Variants in PRKCE observed in about 807,000 individuals in gnomAD.
PRKCE encodes protein kinase C epsilon.
In PRKCE, 16 loss-of-function variants were observed where a neutral mutation model predicts 85.4. That is an observed-to-expected ratio of 0.19 (90% confidence interval 0.13 to 0.28). The LOEUF is 0.28. Ranked by LOEUF, PRKCE falls within the 10% of genes least tolerant of loss-of-function variation. PRKCE has a pLI of 1.00. For missense variants in PRKCE, 573 were observed against 975.2 expected (o/e 0.59, Z 5.49); for synonymous variants, 388 against 371.5 (o/e 1.04, Z -0.51).
intron 1 of PRKCE, among the ~76,000 whole-genome samples, chr2:45,782,721 C>T (rs749490271): frequency 1.3e-5 from 2 of 152,014 alleles, no homozygotes; most frequent in Non-Finnish European, 2.9e-5. Context: ...AATCAACCCT[C>T]TGTCAAACAA....
At chr2:45,750,449 G>C (rs571139997) in intron 1 of PRKCE, among the ~76,000 whole-genome samples, 1 of 152,116 alleles carries the variant, frequency 6.6e-6, no homozygotes, top group African/African-American at 2.4e-5. Context: ...CAAAATTTGC[G>C]GTCCCATTGC....
intron 10 of PRKCE, among the ~76,000 whole-genome samples, chr2:46,016,341 A>T (rs906976596): frequency 2.0e-5 from 3 of 152,122 alleles, no homozygotes; most frequent in Non-Finnish European, 4.4e-5. Flanking sequence ...GTGTCTGTGT[A>T]GATGAGCTGG....
intron 10 of PRKCE, among the ~76,000 whole-genome samples, chr2:46,069,347 C>A (rs530200286): frequency 6.6e-6 from 1 of 151,912 alleles, no homozygotes; most frequent in Non-Finnish European, 1.5e-5. Flanking sequence ...GTCAGTAGGC[C>A]TTTTCTGGAT....
chr2:45,913,571 G>A (rs1697535584), intron 2 of PRKCE, among the ~76,000 whole-genome samples: 2 of 152,214 alleles, frequency 1.3e-5, no homozygotes, highest in African/African-American at 2.4e-5. Flanking sequence ...GTACCTTTGA[G>A]AGCTGCTTCA....
chr2:45,943,634 C>G (rs1216856586), intron 2 of PRKCE, among the ~76,000 whole-genome samples: 1 of 152,158 alleles, frequency 6.6e-6, no homozygotes, highest in African/African-American at 2.4e-5. Context: ...TTTCCAGTTC[C>G]ACTGTCTCAG....
At chr2:45,938,318 TG>T (rs1051555633) in intron 2 of PRKCE, among the ~76,000 whole-genome samples, 2 of 152,160 alleles carry the variant, frequency 1.3e-5, no homozygotes, top group African/African-American at 4.8e-5. Flanking sequence ...TTGTGAGTTT[TG>T]GAGAACTAGG....
intron 1 of PRKCE, among the ~76,000 whole-genome samples, chr2:45,726,768 C>G (rs1357257367): frequency 2.0e-5 from 3 of 152,118 alleles, no homozygotes; most frequent in Admixed American, 2.0e-4. Context: ...GAGCCTGTGG[C>G]TACTGATCCT....
At chr2:46,098,488 C>T (rs1181695923) in intron 11 of PRKCE, among the ~76,000 whole-genome samples, 1 of 152,186 alleles carries the variant, frequency 6.6e-6, no homozygotes, top group Non-Finnish European at 1.5e-5. Context: ...ATAAGATTCA[C>T]TTTGTCCATC....
At chr2:45,979,784 A>G (rs1447595915) in intron 4 of PRKCE, among the ~76,000 whole-genome samples, 1 of 152,168 alleles carries the variant, frequency 6.6e-6, no homozygotes, top group Non-Finnish European at 1.5e-5. Context: ...ACACAGATAT[A>G]GGCCACTTGT....
intron 2 of PRKCE, among the ~76,000 whole-genome samples, chr2:45,916,500 T>A (rs1438962237): frequency 3.3e-5 from 5 of 152,180 alleles, no homozygotes; most frequent in African/African-American, 9.7e-5. Flanking sequence ...CCTGCTTTGA[T>A]CTTTCAAAGT....
intron 1 of PRKCE, among the ~76,000 whole-genome samples, chr2:45,802,878 A>T (rs1687975866): frequency 6.6e-6 from 1 of 152,170 alleles, no homozygotes; most frequent in African/African-American, 2.4e-5. Context: ...GACCATCTTG[A>T]TTATTATTCA....
intron 1 of PRKCE, among the ~76,000 whole-genome samples, chr2:45,766,266 T>C (rs1193108199): frequency 6.6e-6 from 1 of 152,186 alleles, no homozygotes; most frequent in Non-Finnish European, 1.5e-5. Context: ...GGAGGGGGCT[T>C]TTGATTAATC....
At chr2:45,861,036 G>A (rs963292780) in intron 2 of PRKCE, among the ~76,000 whole-genome samples, 1 of 152,198 alleles carries the variant, frequency 6.6e-6, no homozygotes, top group Non-Finnish European at 1.5e-5. Context: ...ATGATAGGGT[G>A]GGGGCAGAGG....
At chr2:45,776,624 G>A (rs761907003) in intron 1 of PRKCE, among the ~76,000 whole-genome samples, 82 of 152,156 alleles carry the variant, frequency 5.4e-4, no homozygotes, top group Non-Finnish European at 5.0e-4. Flanking sequence ...CTGCCTGTGA[G>A]AACTATTAAT....
intron 2 of PRKCE, among the ~76,000 whole-genome samples, chr2:45,909,121 C>G (rs1404658786): frequency 6.6e-6 from 1 of 152,218 alleles, no homozygotes; most frequent in Non-Finnish European, 1.5e-5. Flanking sequence ...AGTCATGCAA[C>G]TTATTTGCAT....
At chr2:46,025,704 T>C (rs1707054395) in intron 10 of PRKCE, among the ~76,000 whole-genome samples, 1 of 152,204 alleles carries the variant, frequency 6.6e-6, no homozygotes, top group Admixed American at 6.5e-5. Context: ...GGGTTCCACC[T>C]ACCCCACAGG....
intron 1 of PRKCE, among the ~76,000 whole-genome samples, chr2:45,671,329 G>C (rs1412875490): frequency 2.0e-5 from 3 of 152,222 alleles, no homozygotes; most frequent in Non-Finnish European, 4.4e-5. Flanking sequence ...GCAGATGAAT[G>C]AGCACCTGGA....
chr2:45,735,265 G>A lies in PRKCE; in HGVS notation c.348+82817G>A, dbSNP rs1337562469. Among the ~76,000 whole-genome samples the A allele has an allele frequency of 3.3e-5, 5 of 152,210 alleles. No homozygotes were observed. The South Asian group carries it at 8.3e-4, about 25-fold the overall frequency. ...AGGTTTCCAGCTTGAGTTAGACATCGTCCTCCTGATGCAGGCTCTCCTTTG... is the reference window on the plus strand; with the variant it reads ...AGGTTTCCAGCTTGAGTTAGACATCATCCTCCTGATGCAGGCTCTCCTTTG... On this transcript the variant is annotated intron_variant, in intron 1 of 14. Transcript: ENST00000306156.
At chr2:46,122,971 T>G (rs1673465516) in intron 11 of PRKCE, among the ~76,000 whole-genome samples, 1 of 150,948 alleles carries the variant, frequency 6.6e-6, no homozygotes, top group Admixed American at 6.6e-5. Context: ...CAAATTATTT[T>G]TTATGTAAAA....
Sources: allele counts gnomAD v4.1 joint callset (sites outside exome capture counted in the v4.1 genomes callset), GRCh38; gene constraint gnomAD v4.1.1; transcripts MANE v1.5; gene names NCBI Gene and HGNC (gene_info 2026-07-23, HGNC 2026-07-21).